The following FRMD4A variants were observed in gnomAD, a reference collection of about 807,000 sequenced individuals.
The protein encoded by FRMD4A is FERM domain-containing protein 4A.
A neutral mutation model predicts 129.1 loss-of-function variants in FRMD4A; 29 were observed. The observed-to-expected ratio is 0.22, with a 90% CI of 0.17 to 0.31. The LOEUF is 0.31. Among genes scored for constraint, FRMD4A ranks in the 10% least tolerant of loss-of-function variants. The pLI is 1.00. For synonymous variants in FRMD4A, 634 were observed against 571.6 expected, an observed-to-expected ratio of 1.11 and a Z score of -1.56; for missense variants, 1,272 against 1,375.8, an observed-to-expected ratio of 0.92 and a Z score of 1.19.
chr10:14,027,966 G>A (rs1049189964), intron 2 of FRMD4A, among the ~76,000 whole-genome samples: 1 of 152,052 alleles, frequency 6.6e-6, no homozygotes, highest in African/African-American at 2.4e-5. Context: ...TACCAGGGAG[G>A]AAGTAGAACC....
chr10:14,043,709 T>A (rs1013452873), intron 2 of FRMD4A, among the ~76,000 whole-genome samples: 5 of 152,192 alleles, frequency 3.3e-5, no homozygotes, highest in Admixed American at 3.3e-4. Flanking sequence ...CCATCAGCAT[T>A]ACAATAGAAG....
chr10:13,915,807 C>T (rs556893668), intron 2 of FRMD4A, among the ~76,000 whole-genome samples: 1 of 152,200 alleles, frequency 6.6e-6, no homozygotes, highest in Admixed American at 6.5e-5. Flanking sequence ...CCTGCAGAGG[C>T]TGGGCACCAC....
At chr10:14,169,707 A>G (rs532288315) in intron 2 of FRMD4A, among the ~76,000 whole-genome samples, 199 of 152,288 alleles carry the variant, frequency 1.3e-3, no homozygotes, top group African/African-American at 4.7e-3. Flanking sequence ...TTCTTAGGAA[A>G]ACATTTTGAT....
chr10:13,902,456 G>GGAGA (rs140040052), intron 2 of FRMD4A, among the ~76,000 whole-genome samples: 23,385 of 127,560 alleles, frequency 0.18, 2,647 homozygotes, highest in African/African-American at 0.24. Flanking sequence ...GCAAAATACT[G>GGAGA]GAGAGAGAGA....
intron 13 of FRMD4A, among the ~76,000 whole-genome samples, chr10:13,704,740 A>T (rs2087237330): frequency 6.6e-6 from 1 of 152,192 alleles, no homozygotes; most frequent in Non-Finnish European, 1.5e-5. Context: ...CGTCTAGAGC[A>T]GGTTTCTTTG....
At chr10:14,050,093 G>GT (rs1834189001) in intron 2 of FRMD4A, among the ~76,000 whole-genome samples, 1 of 152,116 alleles carries the variant, frequency 6.6e-6, no homozygotes. Flanking sequence ...CTATGCCTCC[G>GT]TTTTTTCCAT....
chr10:14,181,576 T>C lies in FRMD4A; in HGVS notation c.45+148482A>G, dbSNP rs548060931. ...TATTTCCAAGCTCCAAACTAAAGAA[T>C]TGTGCGACAGAAATTATGTAGGGAA... On this transcript the variant is annotated intron_variant, in intron 2 of 24. Transcript: ENST00000357447. Among the ~76,000 whole-genome samples, 4 of 152,358 alleles carry C rather than the reference T, an allele frequency of 2.6e-5. No individual in the cohort carries two copies. The South Asian group carries it at 8.3e-4, about 32-fold the overall frequency.
intron 2 of FRMD4A, among the ~76,000 whole-genome samples, chr10:13,925,608 G>C (rs1265040135): frequency 1.6e-5 from 1 of 62,068 alleles, no homozygotes; most frequent in African/African-American, 7.0e-5. Context: ...TTTTGAGATG[G>C]AGTCTCACTC....
At chr10:14,047,906 G>A (rs1345791010) in intron 2 of FRMD4A, among the ~76,000 whole-genome samples, 6 of 152,130 alleles carry the variant, frequency 3.9e-5, no homozygotes, top group Non-Finnish European at 1.5e-5. Flanking sequence ...GTTAGGTCTT[G>A]GCTTTCTTCA....
intron 2 of FRMD4A, among the ~76,000 whole-genome samples, chr10:14,132,191 G>A (rs971596157): frequency 6.6e-6 from 1 of 152,186 alleles, no homozygotes; most frequent in African/African-American, 2.4e-5. Flanking sequence ...GGGAGGCTGA[G>A]GCAGGAGAAT....
At chr10:14,115,447 A>G (rs1463850938) in intron 2 of FRMD4A, among the ~76,000 whole-genome samples, 1 of 152,338 alleles carries the variant, frequency 6.6e-6, no homozygotes, top group East Asian at 1.9e-4. Context: ...TTCTTCCCAG[A>G]GATGAGGATA....
intron 2 of FRMD4A, among the ~76,000 whole-genome samples, chr10:14,199,447 G>T (rs186015362): frequency 3.1e-4 from 46 of 150,608 alleles, no homozygotes; most frequent in African/African-American, 1.1e-3. Context: ...TCCACCTCCC[G>T]GGCTCAATCT....
intron 6 of FRMD4A, among the ~76,000 whole-genome samples, chr10:13,776,443 C>A (rs1299867990): frequency 2.0e-5 from 3 of 152,098 alleles, no homozygotes; most frequent in Admixed American, 6.6e-5. Flanking sequence ...AATTCAACAA[C>A]CTAAAAGTGA....
intron 23 of FRMD4A, chr10:13,652,627 G>C (rs1270182114): frequency 6.6e-6 from 1 of 152,378 alleles, no homozygotes; most frequent in Non-Finnish European, 1.5e-5. Context: ...AAGGACAAAG[G>C]GGCAGCTACT....
chr10:13,811,606 A>C (rs986671356), intron 3 of FRMD4A, among the ~76,000 whole-genome samples: 7 of 151,680 alleles, frequency 4.6e-5, no homozygotes, highest in Admixed American at 1.3e-4. Flanking sequence ...CAGTCTAAAG[A>C]AGCACACCAG....
chr10:14,211,186 T>TAGCTAATA (rs1842925150), intron 2 of FRMD4A, among the ~76,000 whole-genome samples: 1 of 152,222 alleles, frequency 6.6e-6, no homozygotes, highest in South Asian at 2.1e-4. Context: ...ACAACATTAT[T>TAGCTAATA]AGCTAATTTT....
At chr10:13,864,700 C>T (rs904440050) in intron 2 of FRMD4A, among the ~76,000 whole-genome samples, 9 of 151,710 alleles carry the variant, frequency 5.9e-5, no homozygotes, top group South Asian at 2.1e-4. Flanking sequence ...CTCAGCCTCC[C>T]GAGTAGCTGG....
chr10:14,182,984 G>A (rs1346771736), intron 2 of FRMD4A, among the ~76,000 whole-genome samples: 1 of 152,164 alleles, frequency 6.6e-6, no homozygotes, highest in Non-Finnish European at 1.5e-5. Context: ...TAGGATGTTG[G>A]TGCGTGGGGC....
chr10:14,230,101 C>T (rs1011026641), intron 2 of FRMD4A, among the ~76,000 whole-genome samples: 1 of 152,170 alleles, frequency 6.6e-6, no homozygotes, highest in African/African-American at 2.4e-5. Context: ...CTAATGACAG[C>T]CATGTATACA....
Sources: gnomAD v4.1 joint callset for allele counts (sites outside exome capture counted in the v4.1 genomes callset) on GRCh38, gnomAD v4.1.1 for gene constraint, MANE v1.5 for transcripts, NCBI Gene and HGNC (gene_info 2026-07-23, HGNC 2026-07-21) for gene names.